The following HTR1F variants were observed in gnomAD, a reference collection of about 807,000 sequenced individuals.
HTR1F encodes the protein 5-hydroxytryptamine (serotonin) receptor 1F, G protein-coupled.
HTR1F carries 17 observed loss-of-function variants against 24.0 expected under a neutral mutation model. The ratio of observed to expected loss-of-function variants is 0.71; its 90% CI spans 0.48 to 1.06. The LOEUF is 1.06. Ranked by LOEUF, HTR1F falls within the 50% of genes least tolerant of loss-of-function variation. HTR1F has a pLI of 0.00. For synonymous variants in HTR1F, 186 were observed against 156.8 expected (o/e 1.19, Z -1.39); for missense variants, 391 against 427.8 (o/e 0.91, Z 0.76).
rs1441966175 is a variant in HTR1F at position 87,993,215 on chromosome 3, T to C, written c.*1365T>C. 2 of 166,632 alleles carry C rather than the reference T, an allele frequency of 1.2e-5. No individual in the cohort carries two copies. Among genetic ancestry groups the C allele is most frequent in the Admixed American group, 6.6e-5 (1 of 15,192 alleles). The allele number at this position is 166,632 out of a possible 1,614,324, so 10.3% of individuals were successfully genotyped here. On this transcript the variant is annotated 3_prime_UTR_variant, in exon 3 of 3. Transcript: ENST00000319595. Reference sequence around the variant, plus strand: ...TCCTTCCTGATGGTGTGGTTAAGAGTACATTACATCAATTTTATGTATATA... The same window carrying C: ...TCCTTCCTGATGGTGTGGTTAAGAGCACATTACATCAATTTTATGTATATA...
At chr3:87,864,902 AAAAAG>A (rs370477093) in intron 2 of HTR1F, among the ~76,000 whole-genome samples, 22,680 of 143,852 alleles carry the variant, frequency 0.16, 2,176 homozygotes, top group African/African-American at 0.29. Flanking sequence ...AAAAAAAAAA[AAAAAG>A]AAAAGAAAAG....
Position 87,990,940 on chromosome 3 carries a change from C to T in HTR1F, c.191C>T (p.Ser64Phe). The change falls in exon 3 of 3, where the codon TCC becomes TTC. Residue 64 changes from serine (S) to phenylalanine (F), a missense_variant. By Grantham distance (155) the Ser-to-Phe change is radical. Transcript: ENST00000319595. ...CATCCAGCCAATTATTTAATTTGTTCCCTTGCAGTCACAGATTTTCTTGTG... is the reference window on the plus strand; with the variant it reads ...CATCCAGCCAATTATTTAATTTGTTTCCTTGCAGTCACAGATTTTCTTGTG... The part of the protein sequence containing the change: ...LHHPANYLIC[S>F]LAVTDFLVAV... 1 of 1,614,072 alleles carries T rather than the reference C, an allele frequency of 6.2e-7. No individual in the cohort carries two copies. The highest frequency in any genetic ancestry group is 8.5e-7 in the Non-Finnish European group (1 of 1,179,958).
chr3:87,830,472 T>C (rs1241660079), intron 2 of HTR1F, among the ~76,000 whole-genome samples: 1 of 152,214 alleles, frequency 6.6e-6, no homozygotes, highest in African/African-American at 2.4e-5. Context: ...CATAAAACTA[T>C]GTATTATAAT....
chr3:87,855,198 G>T (rs1209537834), intron 2 of HTR1F, among the ~76,000 whole-genome samples: 1 of 152,028 alleles, frequency 6.6e-6, no homozygotes, highest in Non-Finnish European at 1.5e-5. Flanking sequence ...GCAGCTCTCT[G>T]CTCCTCTGTT....
rs1703836210 is a variant in HTR1F, at chr3:87,792,743, G to A, written c.-259G>A. 6.6e-6 allele frequency among the ~76,000 whole-genome samples: 1 copy of A among 152,212 alleles called. No individual in the cohort carries two copies. Among genetic ancestry groups the A allele is most frequent in the Admixed American group, 6.5e-5 (1 of 15,288 alleles). ...GCGGCCCCGAAAGCTGGCGACAGGC[G>A]CTGCTGTCTTCCCGCCCCGTGGGGT... is the stretch of plus-strand genomic sequence containing the variant. On this transcript the variant is annotated 5_prime_UTR_variant, in exon 1 of 3. Coordinates refer to ENST00000319595, the MANE Select transcript of HTR1F (RefSeq NM_001322209.2).
intron 2 of HTR1F, among the ~76,000 whole-genome samples, chr3:87,928,839 T>A (rs1230787802): frequency 2.0e-5 from 3 of 152,202 alleles, no homozygotes; most frequent in Admixed American, 1.3e-4. Context: ...ATACATTTTG[T>A]GTGTAAGGGT....
intron 2 of HTR1F, among the ~76,000 whole-genome samples, chr3:87,907,293 G>GT (rs1389496715): frequency 1.3e-5 from 2 of 150,560 alleles, no homozygotes; most frequent in Non-Finnish European, 3.0e-5. Context: ...GATGTTGAGT[G>GT]TTTTTTCATG....
At chr3:87,932,531 C>G (rs1338992660) in intron 2 of HTR1F, among the ~76,000 whole-genome samples, 1 of 152,058 alleles carries the variant, frequency 6.6e-6, no homozygotes, top group Non-Finnish European at 1.5e-5. Context: ...AATGTGGGCT[C>G]TTTTTTGGTT....
intron 2 of HTR1F, among the ~76,000 whole-genome samples, chr3:87,869,319 A>T (rs1378938989): frequency 6.6e-6 from 1 of 151,966 alleles, no homozygotes; most frequent in Non-Finnish European, 1.5e-5. Flanking sequence ...ATACCACAGC[A>T]TGTTAGGTGA....
chr3:87,892,790 C>T (rs746356676), intron 2 of HTR1F, among the ~76,000 whole-genome samples: 1 of 151,670 alleles, frequency 6.6e-6, no homozygotes, highest in Non-Finnish European at 1.5e-5. Flanking sequence ...TAATAAAGGT[C>T]ATTTAGTTTG....
chr3:87,989,766 G>A (rs1705777112), intron 2 of HTR1F, among the ~76,000 whole-genome samples: 1 of 152,094 alleles, frequency 6.6e-6, no homozygotes, highest in Non-Finnish European at 1.5e-5. Flanking sequence ...AGACCAAACC[G>A]AGGGTCAGGC....
chr3:87,973,072 G>A (rs1422203921), intron 2 of HTR1F, among the ~76,000 whole-genome samples: 1 of 151,944 alleles, frequency 6.6e-6, no homozygotes, highest in Admixed American at 6.6e-5. Flanking sequence ...TCGGGAAACT[G>A]AGGCAGGAGA....
intron 2 of HTR1F, among the ~76,000 whole-genome samples, chr3:87,891,364 T>G (rs1706083093): frequency 6.6e-6 from 1 of 152,190 alleles, no homozygotes; most frequent in African/African-American, 2.4e-5. Context: ...GTTGACAGAT[T>G]AATTTTCCCT....
intron 2 of HTR1F, among the ~76,000 whole-genome samples, chr3:87,921,719 A>G (rs1704016175): frequency 6.6e-6 from 1 of 151,464 alleles, no homozygotes. Flanking sequence ...CTCCTTATCC[A>G]CTCTCCTCGC....
chr3:87,941,165 T>G (rs1467252932), intron 2 of HTR1F, among the ~76,000 whole-genome samples: 1 of 152,210 alleles, frequency 6.6e-6, no homozygotes, highest in East Asian at 1.9e-4. Context: ...GGAAAGCTGC[T>G]TCTTCTGCTT....
chr3:87,943,612 C>T (rs995231192), intron 2 of HTR1F, among the ~76,000 whole-genome samples: 25 of 152,200 alleles, frequency 1.6e-4, no homozygotes, highest in Admixed American at 6.5e-4. Context: ...GGGAGGTAGA[C>T]TCTGAGGGCT....
chr3:87,929,910 T>C (rs1375571815), intron 2 of HTR1F, among the ~76,000 whole-genome samples: 5 of 152,212 alleles, frequency 3.3e-5, no homozygotes, highest in Admixed American at 2.6e-4. Context: ...AGTTTAATAA[T>C]ACTGATTCTT....
At chr3:87,930,572 A>C (rs1253775959) in intron 2 of HTR1F, among the ~76,000 whole-genome samples, 1 of 152,172 alleles carries the variant, frequency 6.6e-6, no homozygotes, top group South Asian at 2.1e-4. Flanking sequence ...AGTTCTGTGT[A>C]TGTGATGAAT....
chr3:87,827,214 C>T (rs2107140613), intron 2 of HTR1F, among the ~76,000 whole-genome samples: 1 of 151,584 alleles, frequency 6.6e-6, no homozygotes, highest in East Asian at 1.9e-4. Context: ...TGATTTCCTG[C>T]ACCTATTGAC....
Sources: gnomAD v4.1 joint callset for allele counts (sites outside exome capture counted in the v4.1 genomes callset) on GRCh38, gnomAD v4.1.1 for gene constraint, MANE v1.5 for transcripts, NCBI Gene and HGNC (gene_info 2026-07-23, HGNC 2026-07-21) for gene names.